Variants in NEXMIF observed in about 807,000 individuals in gnomAD.
NEXMIF encodes the protein XLMR protein related to neurite extension.
Under a neutral mutation model 62.1 loss-of-function variants are expected in NEXMIF, and 8 were observed. The observed-to-expected ratio is 0.13, with a 90% confidence interval of 0.08 to 0.23. The LOEUF is 0.23. NEXMIF is among the 10% of genes least tolerant of loss of function. The pLI is 1.00. For synonymous variants in NEXMIF, 404 were observed against 416.6 expected (o/e 0.97, Z 0.37); for missense variants, 976 against 1,113.3 (o/e 0.88, Z 1.75).
intron 1 of NEXMIF, among the ~76,000 whole-genome samples, chrX:74,829,766 C>G (rs1416565650): frequency 8.9e-6 from 1 of 111,827 alleles, no homozygotes; most frequent in African/African-American, 3.2e-5. Flanking sequence ...GAGATGATAT[C>G]TTCTCATTGT....
intron 1 of NEXMIF, among the ~76,000 whole-genome samples, chrX:74,804,633 A>C (rs1381395005): frequency 1.8e-5 from 2 of 111,623 alleles, no homozygotes; most frequent in African/African-American, 6.5e-5. Context: ...ATGCTAGACA[A>C]AGTCCTTCCC....
chrX:74,847,648 A>T (rs2080496796), intron 1 of NEXMIF, among the ~76,000 whole-genome samples: 1 of 111,671 alleles, frequency 9.0e-6, no homozygotes, highest in Non-Finnish European at 1.9e-5. Context: ...GCAAATATTT[A>T]TTACTTTGTA....
intron 1 of NEXMIF, among the ~76,000 whole-genome samples, chrX:74,906,628 C>T (rs944094931): frequency 4.5e-5 from 5 of 110,385 alleles, no homozygotes; most frequent in Non-Finnish European, 9.4e-5. Flanking sequence ...CACCTTCTGC[C>T]GTCCCTTCTT....
At chrX:74,764,782 G>A (rs1353291408) in intron 1 of NEXMIF, among the ~76,000 whole-genome samples, 2 of 111,723 alleles carry the variant, frequency 1.8e-5, no homozygotes, top group Middle Eastern at 4.6e-3. Flanking sequence ...GCTGTGGTTT[G>A]AGAGTGTGTT....
chrX:74,871,201 G>A (rs1402929184), intron 1 of NEXMIF, among the ~76,000 whole-genome samples: 1 of 111,326 alleles, frequency 9.0e-6, no homozygotes, highest in Non-Finnish European at 1.9e-5. Context: ...AGTACAAAGA[G>A]AGAAATTTTA....
intron 1 of NEXMIF, among the ~76,000 whole-genome samples, chrX:74,851,801 T>C (rs751243218): frequency 3.6e-5 from 4 of 111,081 alleles, no homozygotes; most frequent in Non-Finnish European, 7.6e-5. Context: ...ATAAAACCAC[T>C]GGTAGAGCAA....
chrX:74,874,501 TTAAAG>T (rs1239911768), intron 1 of NEXMIF, among the ~76,000 whole-genome samples: 1 of 109,493 alleles, frequency 9.1e-6, no homozygotes. Context: ...CATATGAACT[TTAAAG>T]TAGCTTTTTC....
chrX:74,794,872 T>C (rs2080301099), intron 1 of NEXMIF, among the ~76,000 whole-genome samples: 1 of 111,735 alleles, frequency 8.9e-6, no homozygotes, highest in South Asian at 3.8e-4. Flanking sequence ...CTACGCCCAC[T>C]GTCTGGCACT....
In NEXMIF at chrX:74,745,456, C is replaced by T. The variant is rs2080123492; in HGVS notation, c.79+116G>A. 3 of 498,104 alleles carry T rather than the reference C, an allele frequency of 6.0e-6. No homozygotes were observed. The Admixed American group carries it at 9.4e-5, about 16-fold the overall frequency. The allele number at this position is 498,104 out of a possible 1,213,427, so 41.0% of individuals were successfully genotyped here. ...TGGAATAAAGTTTACAATTAACATT[C>T]ATTTCAGAGGCATCCTGGACTCAAC... On this transcript the variant is annotated intron_variant, in intron 2 of 3. Transcript: ENST00000055682.
chrX:74,920,564 C>A (rs890828822), intron 1 of NEXMIF, among the ~76,000 whole-genome samples: 2 of 111,198 alleles, frequency 1.8e-5, no homozygotes, highest in Non-Finnish European at 3.8e-5. Flanking sequence ...AATTTTCTCC[C>A]ATTTTGTAGG....
intron 1 of NEXMIF, among the ~76,000 whole-genome samples, chrX:74,794,782 CT>C (rs1569344786): frequency 8.9e-6 from 1 of 111,842 alleles, no homozygotes; most frequent in Non-Finnish European, 1.9e-5. Context: ...GGAAAGGGAA[CT>C]CCCTGACCCC....
intron 1 of NEXMIF, among the ~76,000 whole-genome samples, chrX:74,900,100 T>C (rs1001936495): frequency 9.0e-6 from 1 of 111,154 alleles, no homozygotes; most frequent in Non-Finnish European, 1.9e-5. Context: ...ACTCAACATC[T>C]CTAGTTATTA....
At chrX:74,752,947 T>G (rs1158810174) in intron 1 of NEXMIF, among the ~76,000 whole-genome samples, 2 of 111,461 alleles carry the variant, frequency 1.8e-5, no homozygotes, top group African/African-American at 6.5e-5. Flanking sequence ...AATGGTATAT[T>G]AGGAACAGAG....
chrX:74,887,387 T>C (rs1307752901), intron 1 of NEXMIF, among the ~76,000 whole-genome samples: 8 of 111,286 alleles, frequency 7.2e-5, no homozygotes, highest in Non-Finnish European at 1.5e-4. Flanking sequence ...GAGAAAATTT[T>C]TGCAACCTAC....
chrX:74,905,484 C>T (rs1327785205), intron 1 of NEXMIF, among the ~76,000 whole-genome samples: 1 of 112,139 alleles, frequency 8.9e-6, no homozygotes, highest in Non-Finnish European at 1.9e-5. Context: ...TATATTATTC[C>T]TAGTCTTTTC....
At chrX:74,885,634 C>T (rs1421630956) in intron 1 of NEXMIF, among the ~76,000 whole-genome samples, 1 of 111,669 alleles carries the variant, frequency 9.0e-6, no homozygotes, top group Non-Finnish European at 1.9e-5. Flanking sequence ...ATAACAGGAT[C>T]TGAAATTGTG....
At chrX:74,753,373 G>A (rs1005335125) in intron 1 of NEXMIF, among the ~76,000 whole-genome samples, 2 of 111,636 alleles carry the variant, frequency 1.8e-5, no homozygotes, top group Non-Finnish European at 3.8e-5. Flanking sequence ...TAGTGATTTG[G>A]TAACACATAC....
chrX:74,747,464 A>G (rs1211376170), intron 1 of NEXMIF, among the ~76,000 whole-genome samples: 1 of 111,400 alleles, frequency 9.0e-6, no homozygotes, highest in Non-Finnish European at 1.9e-5. Flanking sequence ...CCAACCCCTG[A>G]CTAAAACAGG....
rs377519616 is a variant in NEXMIF at position 74,739,545 on chromosome X, T to C, written c.4458-47A>G. On this transcript the variant is annotated intron_variant, in intron 3 of 3. Coordinates refer to ENST00000055682, the MANE Select transcript of NEXMIF (RefSeq NM_001008537.3). ...TATGCCATCTGAGTTAGTTTTAGTG[T>C]ATGTCCCACAAAGGGATCATACAAG... is the stretch of plus-strand genomic sequence containing the variant. The C allele has an allele frequency of 1.5e-4, 126 of 834,107 alleles. 1 individual carries two copies. Among genetic ancestry groups the C allele is most frequent in the Non-Finnish European group, 2.1e-4 (121 of 572,377 alleles). 68.7% of individuals were successfully genotyped at this position (834,107 alleles called of 1,213,427 possible).
Sources: gnomAD v4.1 joint callset for allele counts (sites outside exome capture counted in the v4.1 genomes callset) on GRCh38, gnomAD v4.1.1 for gene constraint, MANE v1.5 for transcripts, NCBI Gene and HGNC (gene_info 2026-07-23, HGNC 2026-07-21) for gene names.